CAMTA1: variants seen among roughly 807,000 people sequenced by gnomAD.
CAMTA1 encodes the protein calmodulin binding transcription activator 1, also known as calmodulin-binding transcription activator 1.
Under a neutral mutation model 170.9 loss-of-function variants are expected in CAMTA1, and 27 were observed. That is an observed-to-expected ratio of 0.16 (90% CI 0.12 to 0.22). The LOEUF (loss-of-function observed/expected upper bound fraction) is 0.22. Ranked by LOEUF, CAMTA1 falls within the 10% of genes least tolerant of loss-of-function variation. The pLI is 1.00. For synonymous variants in CAMTA1, 833 were observed against 891.5 expected (o/e 0.93, Z 1.17); for missense variants, 1,619 against 2,217.2 (o/e 0.73, Z 5.42).
At chr1:7,418,060 C>G (rs1394375533) in intron 5 of CAMTA1, among the ~76,000 whole-genome samples, 1 of 151,958 alleles carries the variant, frequency 6.6e-6, no homozygotes, top group Non-Finnish European at 1.5e-5. Flanking sequence ...TCGATTGCCC[C>G]CTTCTCTTGG....
chr1:7,046,374 C>T (rs544228896), intron 3 of CAMTA1, among the ~76,000 whole-genome samples: 128 of 152,338 alleles, frequency 8.4e-4, no homozygotes, highest in Middle Eastern at 6.8e-3. Flanking sequence ...TCCCAAGTCC[C>T]AGAGAACTCC....
chr1:7,297,796 T>C (rs1674187387), intron 5 of CAMTA1, among the ~76,000 whole-genome samples: 3 of 152,260 alleles, frequency 2.0e-5, no homozygotes, highest in Non-Finnish European at 4.4e-5. Context: ...GTGTTTTTTT[T>C]CTGGCAGAAC....
At chr1:7,530,193 C>T (rs2094475128) in intron 6 of CAMTA1, among the ~76,000 whole-genome samples, 1 of 152,210 alleles carries the variant, frequency 6.6e-6, no homozygotes, top group African/African-American at 2.4e-5. Flanking sequence ...TGGGCACAGC[C>T]CGTGCACAGC....
intron 4 of CAMTA1, among the ~76,000 whole-genome samples, chr1:7,139,000 A>AATATATAT (rs1365500875): frequency 6.9e-6 from 1 of 144,624 alleles, no homozygotes; most frequent in Middle Eastern, 3.3e-3. Context: ...GTCTCAAAAA[A>AATATATAT]ATATATATAT....
chr1:7,349,096 C>T (rs845240), intron 5 of CAMTA1, among the ~76,000 whole-genome samples: 58,065 of 152,076 alleles, frequency 0.38, 11,916 homozygotes, highest in Non-Finnish European at 0.45. Flanking sequence ...GGGCTTAAGA[C>T]GGCAAATCCG....
At chr1:6,818,530 G>A (rs1216728507) in intron 1 of CAMTA1, among the ~76,000 whole-genome samples, 1 of 150,726 alleles carries the variant, frequency 6.6e-6, no homozygotes, top group East Asian at 1.9e-4. Context: ...CAGAGAGAAG[G>A]AGAGAGAAGT....
intron 3 of CAMTA1, among the ~76,000 whole-genome samples, chr1:7,046,577 CT>C (rs1338053278): frequency 1.3e-5 from 2 of 152,154 alleles, no homozygotes; most frequent in African/African-American, 4.8e-5. Context: ...TTCTTAGTGC[CT>C]AACTCTGCTG....
At chr1:7,490,215 C>T (rs1046114437) in intron 6 of CAMTA1, among the ~76,000 whole-genome samples, 1 of 152,218 alleles carries the variant, frequency 6.6e-6, no homozygotes. Context: ...TGCTATGCCT[C>T]CTCGCATGGG....
intron 3 of CAMTA1, among the ~76,000 whole-genome samples, chr1:6,920,748 C>T (rs1237700254): frequency 6.6e-6 from 1 of 152,174 alleles, no homozygotes; most frequent in Non-Finnish European, 1.5e-5. Context: ...TGAAAGCTGC[C>T]AAGGCTTAGG....
Position 7,146,240 on chromosome 1 carries a change from G to A in CAMTA1, c.302+54869G>A, listed in dbSNP as rs1646176460. 6.6e-6 allele frequency among the ~76,000 whole-genome samples: 1 copy of A among 152,106 alleles called. No homozygotes were observed. The highest frequency in any genetic ancestry group is 1.5e-5 in the Non-Finnish European group (1 of 68,022). On this transcript the variant is annotated intron_variant, in intron 4 of 22. Coordinates refer to ENST00000303635, the MANE Select transcript of CAMTA1 (RefSeq NM_015215.4). This position sits in a 1 kb window ranked among gnomAD's most constrained non-coding sequence, Gnocchi z 4.3. ...GCAACACCCCTCGCAGCAGGAGCTTGGCAGCCCCTGAACCCGGTGCCTGCT... is the reference window on the plus strand; with the variant it reads ...GCAACACCCCTCGCAGCAGGAGCTTAGCAGCCCCTGAACCCGGTGCCTGCT...
At chr1:6,800,404 C>G (rs1302082068) in intron 1 of CAMTA1, among the ~76,000 whole-genome samples, 1 of 151,842 alleles carries the variant, frequency 6.6e-6, no homozygotes, top group Admixed American at 6.6e-5. Context: ...GAGATCCTGT[C>G]TCAAAACAAA....
intron 5 of CAMTA1, among the ~76,000 whole-genome samples, chr1:7,321,897 C>T (rs902217710): frequency 2.6e-5 from 4 of 152,142 alleles, no homozygotes; most frequent in Non-Finnish European, 4.4e-5. Flanking sequence ...TACACCACCA[C>T]GTAACCCTAG....
intron 6 of CAMTA1, among the ~76,000 whole-genome samples, chr1:7,488,835 T>C (rs970357670): frequency 2.0e-5 from 3 of 152,116 alleles, no homozygotes; most frequent in African/African-American, 7.2e-5. Flanking sequence ...ATCACACACA[T>C]ATGCACATGA....
At chr1:7,764,197 C>A (rs1459226278) in intron 22 of CAMTA1, among the ~76,000 whole-genome samples, 1 of 151,896 alleles carries the variant, frequency 6.6e-6, no homozygotes, top group Non-Finnish European at 1.5e-5. Flanking sequence ...CAAATTAATC[C>A]ATGGTATATT....
chr1:7,008,103 C>T (rs1401027932), intron 3 of CAMTA1, among the ~76,000 whole-genome samples: 1 of 152,150 alleles, frequency 6.6e-6, no homozygotes, highest in Admixed American at 6.5e-5. Flanking sequence ...ACTTCATGGC[C>T]AGCACTGTCC....
In CAMTA1 at chr1:7,087,731, A is replaced by G. The variant is rs187924949; in HGVS notation, c.235-3573A>G. Reference sequence around the variant, plus strand: ...CATGGTTCCTATTTCATAGTTTGTTATGAAGATTAAACGAGATGGTCCCAC... The same window carrying G: ...CATGGTTCCTATTTCATAGTTTGTTGTGAAGATTAAACGAGATGGTCCCAC... On this transcript the variant is annotated intron_variant, in intron 3 of 22. Coordinates refer to ENST00000303635, the MANE Select transcript of CAMTA1 (RefSeq NM_015215.4). 6.1e-3 allele frequency among the ~76,000 whole-genome samples: 936 copies of G among 152,266 alleles called. 4 individuals are homozygous for G. The highest frequency in any genetic ancestry group is 9.0e-3 in the Non-Finnish European group (609 of 68,026).
At position 7,064,129 on chromosome 1, in the gene CAMTA1, T is replaced by C. The variant is rs563059499; in HGVS notation, c.235-27175T>C. Among the ~76,000 whole-genome samples the C allele has an allele frequency of 2.6e-4, 39 of 149,592 alleles. No homozygotes were observed. Among genetic ancestry groups the C allele is most frequent in the Admixed American group, 5.3e-4 (8 of 15,008 alleles). ...CTCCTTCCCTCCTCCTCCTTCTTCT[T>C]CTCCTCCTCCTCCTTCTCTTCTTCC... On this transcript the variant is annotated intron_variant, in intron 3 of 22. Transcript: ENST00000303635. This position sits in a 1 kb window ranked among gnomAD's most constrained non-coding sequence, Gnocchi z 5.4.
intron 6 of CAMTA1, among the ~76,000 whole-genome samples, chr1:7,514,679 G>T (rs1228726412): frequency 3.3e-5 from 5 of 152,220 alleles, no homozygotes; most frequent in African/African-American, 1.2e-4. Flanking sequence ...CTGTGGCAGG[G>T]TGCTTCTGGC....
At chr1:6,935,857 T>C in intron 3 of CAMTA1, among the ~76,000 whole-genome samples, 1 of 152,258 alleles carries the variant, frequency 6.6e-6, no homozygotes, top group East Asian at 1.9e-4. Context: ...GTGGACCGTC[T>C]CCTTCACCAG....
Sources: gnomAD v4.1 joint callset for allele counts (sites outside exome capture counted in the v4.1 genomes callset) on GRCh38, gnomAD v4.1.1 for gene constraint, Gnocchi (gnomAD v3.1) non-coding constraint, MANE v1.5 for transcripts, NCBI Gene and HGNC (gene_info 2026-07-23, HGNC 2026-07-21) for gene names.